The following DLGAP4 variants were observed in gnomAD, a reference collection of about 807,000 sequenced individuals.
DLGAP4 encodes the protein disks large-associated protein 4.
In DLGAP4, 18 loss-of-function variants were observed where a neutral mutation model predicts 86.9. The observed-to-expected ratio is 0.21, with a 90% CI of 0.14 to 0.31. DLGAP4 has a LOEUF of 0.31. Among genes scored for constraint, DLGAP4 ranks in the 10% least tolerant of loss-of-function variants. The probability of loss-of-function intolerance (pLI) is 1.00; values close to 1 mark genes in which losing one functional copy is unlikely to be tolerated. For missense variants in DLGAP4, 1,085 were observed against 1,362.6 expected, an observed-to-expected ratio of 0.80 and a Z score of 3.21; for synonymous variants, 548 against 574.3, an observed-to-expected ratio of 0.95 and a Z score of 0.65.
At position 36,477,061 on chromosome 20, in the gene DLGAP4, T is replaced by G. The variant is rs569012331; in HGVS notation, c.1649-19644T>G. 4.6e-5 allele frequency among the ~76,000 whole-genome samples: 7 copies of G among 151,912 alleles called. No homozygotes were observed. In the East Asian group the frequency reaches 1.4e-3, roughly 29 times the overall value. ...GGGGAATGCTCTGAATAATTAACTC[T>G]TATGGTAGTGATTAATTCTCCAAGT... On this transcript the variant is annotated intron_variant, in intron 7 of 12. Coordinates refer to ENST00000339266, the MANE Select transcript of DLGAP4 (RefSeq NM_001365621.2).
intron 1 of DLGAP4, among the ~76,000 whole-genome samples, chr20:36,307,411 TCATCCCTCCATCCCTCCATCCCTC>T (rs1195495864): frequency 6.6e-6 from 1 of 152,060 alleles, no homozygotes; most frequent in African/African-American, 2.4e-5. Context: ...CTCCATCCCT[TCATCCCTCCATCCCTCCATCCCTC>T]CATCCCTCCG....
rs1191805122 is a variant in DLGAP4 at position 36,432,012 on chromosome 20, C to T, written c.295C>T (p.Arg99Trp). Residue 99 changes from arginine (R) to tryptophan (W), a missense_variant, in exon 3 of 13, where the codon CGG becomes TGG. Around this residue, in one of 2 missense-constraint regions of DLGAP4, gnomAD observed 1,082 missense variants for 1,344.1 expected, o/e 0.81. Coordinates refer to ENST00000339266, the MANE Select transcript of DLGAP4 (RefSeq NM_001365621.2). The surrounding 1 kb of genome is among the most constrained non-coding windows in gnomAD (Gnocchi z 6.5). ...CCATGCCCAAGCCACCAAGATCAAC[C>T]GGCTGCCCGCCAACCTCCTGGACCA... ...PSHAQATKIN[R>W]LPANLLDQFE... The T allele has an allele frequency of 3.1e-6, 5 of 1,614,050 alleles. No homozygotes were observed. Among genetic ancestry groups the T allele is most frequent in the African/African-American group, 1.3e-5 (1 of 74,936 alleles).
At chr20:36,389,289 G>C (rs938367760) in intron 2 of DLGAP4, among the ~76,000 whole-genome samples, 1 of 152,210 alleles carries the variant, frequency 6.6e-6, no homozygotes, top group Non-Finnish European at 1.5e-5. Context: ...CTGAGAGGTA[G>C]GACAGCACAG....
chr20:36,494,409 G>A (rs1156798328), intron 7 of DLGAP4, among the ~76,000 whole-genome samples: 2 of 152,094 alleles, frequency 1.3e-5, no homozygotes, highest in African/African-American at 4.8e-5. Context: ...ATGAACAGAT[G>A]GATTATTTTA....
Position 36,419,345 on chromosome 20 carries a change from G to C in DLGAP4, c.-72-12301G>C, listed in dbSNP as rs182449209. On this transcript the variant is annotated intron_variant, in intron 2 of 12. Coordinates refer to ENST00000339266, the MANE Select transcript of DLGAP4 (RefSeq NM_001365621.2). ...GGGTCCTCGTTATGTTGCCCAGGCT[G>C]GTTTTGAACTCCTGGCCTCAAGTGA... Among the ~76,000 whole-genome samples the C allele has an allele frequency of 4.4e-3, 667 of 152,064 alleles. 7 individuals are homozygous for C. Among genetic ancestry groups the C allele is most frequent in the African/African-American group, 0.015 (641 of 41,472 alleles).
chr20:36,502,037 A>T (rs1008286372), intron 10 of DLGAP4, among the ~76,000 whole-genome samples: 5 of 152,198 alleles, frequency 3.3e-5, no homozygotes, highest in Non-Finnish European at 5.9e-5. Context: ...TATATCTTTT[A>T]AAAAATGTGA....
At chr20:36,329,069 C>T (rs973466541) in intron 1 of DLGAP4, among the ~76,000 whole-genome samples, 5 of 152,126 alleles carry the variant, frequency 3.3e-5, no homozygotes, top group Admixed American at 6.5e-5. Flanking sequence ...CCATCGCGCC[C>T]GGCCTAATTT....
intron 2 of DLGAP4, among the ~76,000 whole-genome samples, chr20:36,423,629 A>G (rs1407114426): frequency 6.6e-6 from 1 of 151,910 alleles, no homozygotes; most frequent in African/African-American, 2.4e-5. Context: ...CTGATTGGGC[A>G]TCGAAATGCG....
chr20:36,391,321 C>T (rs1226581009), intron 2 of DLGAP4, among the ~76,000 whole-genome samples: 3 of 152,184 alleles, frequency 2.0e-5, no homozygotes, highest in Non-Finnish European at 4.4e-5. Context: ...AATTTGCCTC[C>T]TCTCTAATTC....
intron 1 of DLGAP4, among the ~76,000 whole-genome samples, chr20:36,344,744 G>C (rs2029888026): frequency 6.6e-6 from 1 of 152,214 alleles, no homozygotes; most frequent in Admixed American, 6.5e-5. Context: ...GCCTCGGCTG[G>C]GCCTAGGGCC....
chr20:36,442,765 C>A lies in DLGAP4; in HGVS notation c.1395C>A (p.Gly465=). The A allele has an allele frequency of 6.2e-7, 1 of 1,614,216 alleles. No homozygotes were observed. Among genetic ancestry groups the A allele is most frequent in the Non-Finnish European group, 8.5e-7 (1 of 1,180,044 alleles). The change falls in exon 6 of 13, where the codon GGC becomes GGA. Residue 465 remains glycine (G), a synonymous_variant. Coordinates refer to ENST00000339266, the MANE Select transcript of DLGAP4 (RefSeq NM_001365621.2). ...GQASLIPQLF[G]HEQQVREAEL... is the part of the protein sequence containing the mutation. Reference sequence around the variant, plus strand: ...CCTCCCTGATCCCCCAGTTGTTTGGCCATGAGCAGCAGGTCAGTATGTTTG... The same window carrying A: ...CCTCCCTGATCCCCCAGTTGTTTGGACATGAGCAGCAGGTCAGTATGTTTG...
chr20:36,373,564 A>G (rs1158816710), intron 2 of DLGAP4, among the ~76,000 whole-genome samples: 1 of 152,090 alleles, frequency 6.6e-6, no homozygotes, highest in Non-Finnish European at 1.5e-5. Flanking sequence ...GGTCAATACC[A>G]CTGGAACCTC....
intron 1 of DLGAP4, among the ~76,000 whole-genome samples, chr20:36,359,074 A>G (rs2030429341): frequency 6.6e-6 from 1 of 152,212 alleles, no homozygotes; most frequent in Admixed American, 6.5e-5. Context: ...ACATGTGGCT[A>G]TTGAACTTCA....
intron 6 of DLGAP4, among the ~76,000 whole-genome samples, chr20:36,445,989 T>C (rs1336911292): frequency 1.3e-5 from 2 of 152,202 alleles, no homozygotes; most frequent in Non-Finnish European, 2.9e-5. Context: ...CTACACAAAG[T>C]TGAACTAGAT....
chr20:36,388,865 G>T (rs2031693563), intron 2 of DLGAP4, among the ~76,000 whole-genome samples: 1 of 152,214 alleles, frequency 6.6e-6, no homozygotes, highest in South Asian at 2.1e-4. Flanking sequence ...CAGAAGAGGT[G>T]TCCAGAGCTG....
intron 2 of DLGAP4, among the ~76,000 whole-genome samples, chr20:36,417,323 C>T (rs1600502886): frequency 6.6e-6 from 1 of 152,134 alleles, no homozygotes; most frequent in East Asian, 1.9e-4. Flanking sequence ...AAGGAGGAGA[C>T]TGGCATGGCT....
intron 2 of DLGAP4, among the ~76,000 whole-genome samples, chr20:36,428,721 T>G (rs2033046974): frequency 6.6e-6 from 1 of 152,264 alleles, no homozygotes; most frequent in African/African-American, 2.4e-5. Context: ...TGTGGCTTTG[T>G]GCTGTCTGGT....
At chr20:36,427,279 C>T (rs560991598) in intron 2 of DLGAP4, among the ~76,000 whole-genome samples, 3 of 152,136 alleles carry the variant, frequency 2.0e-5, no homozygotes, top group African/African-American at 7.2e-5. Context: ...GAGTTAGAGA[C>T]CAGCCTGGCC....
intron 7 of DLGAP4, among the ~76,000 whole-genome samples, chr20:36,467,063 T>TCCC (rs562510099): frequency 5.1e-5 from 2 of 39,348 alleles, no homozygotes; most frequent in Admixed American, 2.2e-4. Context: ...TCTCTCTCTC[T>TCCC]CCCCCCCCCT....
Sources: gnomAD v4.1 joint callset for allele counts (sites outside exome capture counted in the v4.1 genomes callset) on GRCh38, gnomAD v4.1.1 for gene constraint, gnomAD v4.1.1 regional missense constraint, Gnocchi (gnomAD v3.1) non-coding constraint, MANE v1.5 for transcripts, NCBI Gene and HGNC (gene_info 2026-07-23, HGNC 2026-07-21) for gene names.